Variants in AFF3 observed in about 807,000 individuals in gnomAD.
The protein encoded by AFF3 is AF4/FMR2 family member 3.
A neutral mutation model predicts 129.7 loss-of-function variants in AFF3; 32 were observed. That is an observed-to-expected ratio of 0.25 (90% CI 0.19 to 0.33). The LOEUF (loss-of-function observed/expected upper bound fraction) is 0.33, where lower values mean the gene tolerates loss of function less well. AFF3 is among the 10% of genes least tolerant of loss of function. The pLI is 1.00. For synonymous variants in AFF3, 644 were observed against 635.4 expected (o/e 1.01, Z -0.20); for missense variants, 1,373 against 1,592.0 (o/e 0.86, Z 2.34).
At chr2:99,573,060 C>T (rs976682551) in intron 18 of AFF3, among the ~76,000 whole-genome samples, 3 of 152,086 alleles carry the variant, frequency 2.0e-5, no homozygotes, top group African/African-American at 7.2e-5. Context: ...CTAAGTGGGG[C>T]GGGTGTTGAA....
At chr2:99,784,901 T>C (rs1409090081) in intron 8 of AFF3, among the ~76,000 whole-genome samples, 1 of 152,128 alleles carries the variant, frequency 6.6e-6, no homozygotes, top group Admixed American at 6.6e-5. Flanking sequence ...GATCAGGAGG[T>C]TGTGTTCAGC....
intron 11 of AFF3, among the ~76,000 whole-genome samples, chr2:99,693,922 C>CT (rs796185117): frequency 0.03 from 4,381 of 146,222 alleles, 191 homozygotes; most frequent in African/African-American, 0.099. Context: ...TTCCTTAATA[C>CT]TTTTTTTTTT....
At chr2:99,995,328 A>T (rs184765803) in intron 7 of AFF3, among the ~76,000 whole-genome samples, 2 of 152,264 alleles carry the variant, frequency 1.3e-5, no homozygotes, top group East Asian at 3.9e-4. Flanking sequence ...AAATAACTAA[A>T]GCCTCATCTT....
intron 7 of AFF3, among the ~76,000 whole-genome samples, chr2:99,850,207 C>A (rs1690043817): frequency 6.6e-6 from 1 of 152,188 alleles, no homozygotes; most frequent in Non-Finnish European, 1.5e-5. Flanking sequence ...CCTCTTCCTA[C>A]TTATAAACCT....
chr2:99,573,518 A>G (rs1676701018), intron 18 of AFF3, among the ~76,000 whole-genome samples: 1 of 152,204 alleles, frequency 6.6e-6, no homozygotes, highest in Non-Finnish European at 1.5e-5. Context: ...TCGCCTACTC[A>G]AGGATCTTAA....
chr2:99,904,522 T>C (rs1301961465), intron 7 of AFF3, among the ~76,000 whole-genome samples: 1 of 152,148 alleles, frequency 6.6e-6, no homozygotes, highest in Non-Finnish European at 1.5e-5. Flanking sequence ...AGACAAACAC[T>C]AGTTGATATA....
intron 7 of AFF3, among the ~76,000 whole-genome samples, chr2:99,929,919 T>C (rs1037581858): frequency 4.8e-5 from 6 of 125,290 alleles, no homozygotes; most frequent in African/African-American, 2.3e-4. Context: ...AATTTTTAGC[T>C]TTTTTTTTTT....
At chr2:99,972,762 G>A (rs1046226642) in intron 7 of AFF3, among the ~76,000 whole-genome samples, 11 of 152,158 alleles carry the variant, frequency 7.2e-5, no homozygotes, top group African/African-American at 2.7e-4. Context: ...ACTGTAGAGT[G>A]GTCGGGAACT....
intron 4 of AFF3, among the ~76,000 whole-genome samples, chr2:100,087,912 T>C (rs934152572): frequency 5.4e-5 from 8 of 148,866 alleles, no homozygotes; most frequent in African/African-American, 1.9e-4. Context: ...TATTAATAGA[T>C]TAAAACCCAT....
chr2:99,554,568 G>A (rs752555329), intron 23 of AFF3, 34 bp from the exon 24 acceptor site: 41 of 1,607,916 alleles, frequency 2.5e-5, no homozygotes, highest in Middle Eastern at 1.7e-4. Flanking sequence ...CCAGAGTGGC[G>A]AGGTCGGGAG....
At chr2:100,061,595 T>G (rs1687273844) in intron 4 of AFF3, among the ~76,000 whole-genome samples, 1 of 152,112 alleles carries the variant, frequency 6.6e-6, no homozygotes, top group African/African-American at 2.4e-5. Context: ...GCTGCATGTT[T>G]GTATGGGCAG....
At chr2:99,822,087 C>T (rs1197351378) in intron 8 of AFF3, among the ~76,000 whole-genome samples, 1 of 152,062 alleles carries the variant, frequency 6.6e-6, no homozygotes, top group Admixed American at 6.5e-5. Flanking sequence ...CTCTGGGAGG[C>T]CTGAGTTTAA....
intron 2 of AFF3, among the ~76,000 whole-genome samples, chr2:100,118,493 G>A (rs1038344148): frequency 2.0e-5 from 3 of 152,126 alleles, no homozygotes; most frequent in Non-Finnish European, 4.4e-5. Flanking sequence ...ACATTGCAAA[G>A]TTATATTACA....
chr2:99,659,094 T>C (rs574491945), intron 12 of AFF3, among the ~76,000 whole-genome samples: 3 of 152,282 alleles, frequency 2.0e-5, no homozygotes, highest in Admixed American at 2.0e-4. Flanking sequence ...GACAGAACTA[T>C]GTAAAGGAAG....
chr2:99,695,113 G>A (rs1676066228), intron 11 of AFF3, among the ~76,000 whole-genome samples: 1 of 152,072 alleles, frequency 6.6e-6, no homozygotes, highest in African/African-American at 2.4e-5. Context: ...TTAAACATAT[G>A]AAAATTACTT....
intron 8 of AFF3, among the ~76,000 whole-genome samples, chr2:99,796,420 T>C (rs1042886886): frequency 6.6e-6 from 1 of 152,232 alleles, no homozygotes; most frequent in Non-Finnish European, 1.5e-5. Context: ...TTGGAACAAA[T>C]GCATGAAGCA....
chr2:99,880,124 A>T (rs1439439742), intron 7 of AFF3, among the ~76,000 whole-genome samples: 1 of 152,152 alleles, frequency 6.6e-6, no homozygotes, highest in Non-Finnish European at 1.5e-5. Context: ...CTTTCCAAGG[A>T]TTCATCTTTG....
At chr2:99,761,983 C>T (rs558358098) in intron 8 of AFF3, among the ~76,000 whole-genome samples, 3 of 152,106 alleles carry the variant, frequency 2.0e-5, no homozygotes, top group African/African-American at 7.2e-5. Context: ...CTTTCCTGCC[C>T]CCATCTTGTT....
chr2:99,961,718 G>A (rs1013718290), intron 7 of AFF3, among the ~76,000 whole-genome samples: 1 of 152,150 alleles, frequency 6.6e-6, no homozygotes, highest in African/African-American at 2.4e-5. Context: ...AAAAGAGTAA[G>A]GTAAACTAGT....
Sources: allele counts gnomAD v4.1 joint callset (sites outside exome capture counted in the v4.1 genomes callset), GRCh38; gene constraint gnomAD v4.1.1; transcripts MANE v1.5; gene names NCBI Gene and HGNC (gene_info 2026-07-23, HGNC 2026-07-21).